The following ATP2B2 variants were observed in gnomAD, a reference collection of about 807,000 sequenced individuals.
ATP2B2 encodes plasma membrane calcium-transporting ATPase 2.
ATP2B2 carries 15 observed loss-of-function variants against 120.0 expected under a neutral mutation model. That is an observed-to-expected ratio of 0.12 (90% CI 0.08 to 0.19). The LOEUF (loss-of-function observed/expected upper bound fraction) is 0.19, where lower values mean the gene tolerates loss of function less well. Ranked by LOEUF, ATP2B2 falls within the 10% of genes least tolerant of loss-of-function variation. ATP2B2 has a pLI of 1.00. For synonymous variants in ATP2B2, 694 were observed against 700.3 expected, an observed-to-expected ratio of 0.99 and a Z score of 0.14; for missense variants, 1,045 against 1,719.8, an observed-to-expected ratio of 0.61 and a Z score of 6.94.
intron 2 of ATP2B2, among the ~76,000 whole-genome samples, chr3:10,610,196 T>A (rs1199044344): frequency 6.6e-6 from 1 of 151,332 alleles, no homozygotes; most frequent in East Asian, 1.9e-4. Context: ...TGTGTAAAAT[T>A]TTTTTTTATC....
intron 3 of ATP2B2, among the ~76,000 whole-genome samples, chr3:10,409,450 T>C (rs1238426365): frequency 6.6e-6 from 1 of 152,256 alleles, no homozygotes; most frequent in African/African-American, 2.4e-5. Flanking sequence ...ATTCCCTTTC[T>C]GTCTTGGCTG....
At chr3:10,645,089 C>CG (rs1322455425) in intron 1 of ATP2B2, among the ~76,000 whole-genome samples, 1 of 151,616 alleles carries the variant, frequency 6.6e-6, no homozygotes, top group Non-Finnish European at 1.5e-5. Flanking sequence ...CTACGTATGT[C>CG]GGGGTGGGTG....
intron 1 of ATP2B2, among the ~76,000 whole-genome samples, chr3:10,648,828 A>T (rs1344834572): frequency 6.6e-6 from 1 of 151,908 alleles, no homozygotes; most frequent in African/African-American, 2.4e-5. Flanking sequence ...CCCTACCTCC[A>T]TTTCTGCCCC....
At position 10,364,971 on chromosome 3, in the gene ATP2B2, C is replaced by T. The variant is rs73014607; in HGVS notation, c.1660-4848G>A. Among the ~76,000 whole-genome samples, 1,405 of 152,324 alleles carry T rather than the reference C, an allele frequency of 9.2e-3. 12 individuals are homozygous for T. Among genetic ancestry groups the T allele is most frequent in the Non-Finnish European group, 0.014 (959 of 68,022 alleles). Reference sequence around the variant, plus strand: ...CCCGTTTCCCCAAATGCCTTCTCTGCGCTCACCACTCTGCTGAGTTCTTCA... The same window carrying T: ...CCCGTTTCCCCAAATGCCTTCTCTGTGCTCACCACTCTGCTGAGTTCTTCA... On this transcript the variant is annotated intron_variant, in intron 12 of 22. Transcript: ENST00000360273.
intron 10 of ATP2B2, among the ~76,000 whole-genome samples, chr3:10,376,058 C>T (rs562561099): frequency 3.9e-5 from 6 of 152,122 alleles, no homozygotes; most frequent in Admixed American, 2.0e-4. Context: ...TTTATTTATT[C>T]ATTTATTCGA....
chr3:10,411,916 A>T lies in ATP2B2; in HGVS notation c.200-1101T>A, dbSNP rs916888687. ...GAGTGGTAAGGGCCCACTTCCACCC[A>T]CCATCTGCATTTCCAGATAATTCTT... On this transcript the variant is annotated intron_variant, in intron 2 of 22. Coordinates refer to ENST00000360273, the MANE Select transcript of ATP2B2 (RefSeq NM_001001331.4). Among the ~76,000 whole-genome samples, 4 of 152,128 alleles carry T rather than the reference A, an allele frequency of 2.6e-5. No individual in the cohort carries two copies. In the East Asian group the frequency reaches 7.7e-4, roughly 29 times the overall value.
rs1331530111 is a variant in ATP2B2 at position 10,582,163 on chromosome 3, C to A, written c.-415+37754G>T. Among the ~76,000 whole-genome samples the A allele has an allele frequency of 3.9e-5, 6 of 152,142 alleles. No homozygotes were observed. The East Asian group carries it at 1.2e-3, about 29-fold the overall frequency. ...AAGCAGCATTGTGTGGCAGCCAGGT[C>A]CAGGGAGAAATCCTTAGTTTTGGGG... On this transcript the variant is annotated intron_variant, in intron 2 of 21. Transcript: ENST00000646379.
intron 5 of ATP2B2, among the ~76,000 whole-genome samples, chr3:10,393,530 G>A (rs1009330664): frequency 1.3e-5 from 2 of 152,186 alleles, no homozygotes; most frequent in African/African-American, 4.8e-5. Context: ...AGCCCAGGAA[G>A]GCAGAGCTGG....
chr3:10,360,574 A>T (rs1331389685), intron 12 of ATP2B2, among the ~76,000 whole-genome samples: 1 of 152,248 alleles, frequency 6.6e-6, no homozygotes, highest in Non-Finnish European at 1.5e-5. Flanking sequence ...AGCATTAATC[A>T]TTACCATGTG....
At chr3:10,602,414 T>C (rs944440730) in intron 2 of ATP2B2, among the ~76,000 whole-genome samples, 2 of 152,166 alleles carry the variant, frequency 1.3e-5, no homozygotes, top group Non-Finnish European at 2.9e-5. Context: ...AGTCAGGACA[T>C]GGTGCCTGCA....
intron 2 of ATP2B2, among the ~76,000 whole-genome samples, chr3:10,613,798 G>A (rs1182934416): frequency 6.6e-6 from 1 of 151,488 alleles, no homozygotes; most frequent in Non-Finnish European, 1.5e-5. Flanking sequence ...CCCCCACCCA[G>A]CCCACTCAAG....
At chr3:10,588,655 G>A (rs955639607) in intron 2 of ATP2B2, among the ~76,000 whole-genome samples, 7 of 152,110 alleles carry the variant, frequency 4.6e-5, no homozygotes, top group South Asian at 2.1e-4. Flanking sequence ...CTCAACCCAC[G>A]TATCTCTCAC....
At position 10,341,735 on chromosome 3, in the gene ATP2B2, G is replaced by A. The variant is rs140695553; in HGVS notation, c.2917+1017C>T. Among the ~76,000 whole-genome samples the A allele has an allele frequency of 1.6e-3, 244 of 152,278 alleles. 1 individual carries two copies. The highest frequency in any genetic ancestry group is 5.6e-3 in the African/African-American group (232 of 41,542). ...GCTCAAGTGGTCAAGCCAGCAAGCC[G>A]ACCAGGACCCCCGCTCTCCTCTCCT... is the stretch of plus-strand genomic sequence containing the variant. On this transcript the variant is annotated intron_variant, in intron 19 of 22. Transcript: ENST00000360273.
chr3:10,476,420 G>A (rs1476993984), intron 1 of ATP2B2, among the ~76,000 whole-genome samples: 3 of 152,222 alleles, frequency 2.0e-5, no homozygotes, highest in Non-Finnish European at 2.9e-5. Flanking sequence ...AATAAAGGCC[G>A]TGTAGAAATA....
chr3:10,538,597 A>C (rs7642750), intron 2 of ATP2B2, among the ~76,000 whole-genome samples: 31,157 of 152,184 alleles, frequency 0.2, 4,287 homozygotes, highest in East Asian at 0.61. Flanking sequence ...AATGTAATCC[A>C]GCATATTAAC....
At chr3:10,585,833 G>A (rs938613900) in intron 2 of ATP2B2, among the ~76,000 whole-genome samples, 1 of 152,088 alleles carries the variant, frequency 6.6e-6, no homozygotes, top group Non-Finnish European at 1.5e-5. Context: ...CTGTTTGGTA[G>A]TGCCCTCAAA....
At chr3:10,351,560 G>A (rs2060578801) in intron 14 of ATP2B2, among the ~76,000 whole-genome samples, 1 of 152,106 alleles carries the variant, frequency 6.6e-6, no homozygotes, top group South Asian at 2.1e-4. Context: ...GCATCCACCT[G>A]CCAAGCCACT....
chr3:10,482,358 A>C (rs912514447), intron 1 of ATP2B2, among the ~76,000 whole-genome samples: 2 of 152,198 alleles, frequency 1.3e-5, no homozygotes, highest in African/African-American at 4.8e-5. Context: ...GCCACACCCT[A>C]ACTGCTCTCC....
intron 1 of ATP2B2, among the ~76,000 whole-genome samples, chr3:10,641,140 C>G (rs2070160315): frequency 6.6e-6 from 1 of 152,234 alleles, no homozygotes; most frequent in South Asian, 2.1e-4. Flanking sequence ...AGAAATGGAA[C>G]AGGATACACT....
Sources: allele counts gnomAD v4.1 joint callset (sites outside exome capture counted in the v4.1 genomes callset), GRCh38; gene constraint gnomAD v4.1.1; transcripts MANE v1.5; gene names NCBI Gene and HGNC (gene_info 2026-07-23, HGNC 2026-07-21).